Variants in IFT122 observed in about 807,000 individuals in gnomAD.
IFT122 encodes intraflagellar transport 122.
In IFT122, 118 loss-of-function variants were observed where a neutral mutation model predicts 161.6. That is an observed-to-expected ratio of 0.73 (90% CI 0.63 to 0.85). The LOEUF (loss-of-function observed/expected upper bound fraction) is 0.85. IFT122 is among the 40% of genes least tolerant of loss of function. The pLI is 0.00. For missense variants in IFT122, 1,381 were observed against 1,579.6 expected (o/e 0.87, Z 2.13); for synonymous variants, 550 against 602.4 (o/e 0.91, Z 1.27).
chr3:129,481,383 T>G, intron 13 of IFT122, 147 bp from the exon 14 acceptor site: 52 of 679,676 alleles, frequency 7.7e-5, no homozygotes, highest in East Asian at 3.1e-4. Context: ...CCCTCTTTCT[T>G]TTGATGAGTC....
chr3:129,459,952 A>G (rs1478104352), intron 4 of IFT122, among the ~76,000 whole-genome samples: 1 of 151,568 alleles, frequency 6.6e-6, no homozygotes, highest in Non-Finnish European at 1.5e-5. Context: ...TGGTAGAGAC[A>G]GGGTTTCACT....
intron 1 of IFT122, among the ~76,000 whole-genome samples, chr3:129,447,537 CAG>C (rs760451564): frequency 1.8e-4 from 27 of 152,258 alleles, no homozygotes; most frequent in East Asian, 9.7e-4. Flanking sequence ...CCCTGCAAAA[CAG>C]AGTCTTGCTG....
chr3:129,466,366 G>A (rs547668490), intron 7 of IFT122, among the ~76,000 whole-genome samples: 19 of 152,144 alleles, frequency 1.2e-4, no homozygotes, highest in African/African-American at 4.3e-4. Context: ...TGTTTGATTT[G>A]TGGCTGCAGA....
intron 2 of IFT122, among the ~76,000 whole-genome samples, chr3:129,451,352 G>T (rs1338874082): frequency 6.6e-6 from 1 of 151,958 alleles, no homozygotes; most frequent in Admixed American, 6.6e-5. Flanking sequence ...TGAACTCCTG[G>T]TTTCAAGCAA....
intron 12 of IFT122, among the ~76,000 whole-genome samples, chr3:129,478,539 TG>T (rs2078243818): frequency 6.6e-6 from 1 of 152,192 alleles, no homozygotes; most frequent in African/African-American, 2.4e-5. Flanking sequence ...ACTGCAGCTT[TG>T]ACCTCCCAAG....
At chr3:129,516,456 A>G (rs1448661024) in intron 26 of IFT122, among the ~76,000 whole-genome samples, 2 of 144,962 alleles carry the variant, frequency 1.4e-5, no homozygotes, top group Non-Finnish European at 3.0e-5. Context: ...ACACACACAG[A>G]GACCGCCCCT....
chr3:129,461,041 G>A (rs1488389247), intron 4 of IFT122, 187 bp from the exon 5 acceptor site: 5 of 1,062,232 alleles, frequency 4.7e-6, no homozygotes, highest in Non-Finnish European at 5.8e-6. Context: ...GAAAACAGTG[G>A]GTGAGGAGAA....
chr3:129,486,941 G>A (rs944399683), intron 15 of IFT122, among the ~76,000 whole-genome samples: 1 of 152,158 alleles, frequency 6.6e-6, no homozygotes, highest in African/African-American at 2.4e-5. Context: ...GTGCCAATGA[G>A]GAGAGATGGC....
chr3:129,449,981 TC>T, intron 2 of IFT122, 44 bp downstream of exon 2: 1 of 1,217,260 alleles, frequency 8.2e-7, no homozygotes, highest in Non-Finnish European at 1.2e-6. Context: ...TTCCCTAACC[TC>T]CCTCTTGTGA....
intron 5 of IFT122, 22 bp downstream of exon 5, chr3:129,461,326 C>G (rs775491043): frequency 2.3e-5 from 36 of 1,560,986 alleles, no homozygotes; most frequent in Non-Finnish European, 2.9e-5. Flanking sequence ...TTCCTGATGT[C>G]CTGTCCTGGA....
intron 15 of IFT122, chr3:129,487,924 A>G (rs953268583): frequency 5.0e-6 from 2 of 403,974 alleles, no homozygotes; most frequent in East Asian, 1.0e-4. Flanking sequence ...TGAAAGCCAA[A>G]TAGGTATTTT....
intron 18 of IFT122, 29 bp from the exon 19 acceptor site, chr3:129,499,873 G>C (rs1352991298): frequency 6.2e-7 from 1 of 1,613,416 alleles, no homozygotes; most frequent in Admixed American, 1.7e-5. Flanking sequence ...TTCTGATCCA[G>C]AGTGTTTTTG....
In IFT122 at chr3:129,516,002, GCA is replaced by G. The variant is rs548548537; in HGVS notation, c.3265+410_3265+411del. Among the ~76,000 whole-genome samples, 585 of 149,168 alleles carry G rather than the reference GCA, an allele frequency of 3.9e-3. 2 individuals carry two copies. Among genetic ancestry groups the G allele is most frequent in the African/African-American group, 0.013 (530 of 40,464 alleles). On this transcript the variant is annotated intron_variant, in intron 26 of 29. Transcript: ENST00000348417. ...GCCACACACACACACAGACACACAC[GCA>G]CACACAGACTGCCCCTGCACACACA...
chr3:129,476,067 T>C, intron 9 of IFT122: 1 of 535,532 alleles, frequency 1.9e-6, no homozygotes. Flanking sequence ...CCTGGAGCAC[T>C]TGGGTGGGAC....
intron 9 of IFT122, among the ~76,000 whole-genome samples, chr3:129,472,053 T>C (rs2077418103): frequency 6.6e-6 from 1 of 152,240 alleles, no homozygotes; most frequent in Admixed American, 6.5e-5. Flanking sequence ...TCCACCCTGC[T>C]GAAACCCAGG....
chr3:129,468,462 A>C (rs1044983592), intron 8 of IFT122, among the ~76,000 whole-genome samples: 3 of 151,972 alleles, frequency 2.0e-5, no homozygotes, highest in African/African-American at 7.3e-5. Flanking sequence ...CTTGTGCCTC[A>C]GCCTCTGGAA....
At chr3:129,497,447 C>T (rs905406753) in intron 18 of IFT122, among the ~76,000 whole-genome samples, 6 of 152,108 alleles carry the variant, frequency 3.9e-5, no homozygotes, top group Non-Finnish European at 5.9e-5. Context: ...TATAGGAAAG[C>T]GCATTAGAAA....
chr3:129,449,739 A>T, intron 1 of IFT122, 132 bp from the exon 2 acceptor site: 1 of 731,788 alleles, frequency 1.4e-6, no homozygotes, highest in South Asian at 1.4e-5. Flanking sequence ...AACAAATGCA[A>T]TTCGTAGTTA....
At chr3:129,495,710 T>C in intron 18 of IFT122, 103 bp downstream of exon 18, 1 of 1,311,162 alleles carries the variant, frequency 7.6e-7, no homozygotes, top group Non-Finnish European at 1.1e-6. Context: ...GGACAAAAAC[T>C]AGCAATGGTC....
Sources: allele counts gnomAD v4.1 joint callset (sites outside exome capture counted in the v4.1 genomes callset), GRCh38; gene constraint gnomAD v4.1.1; transcripts MANE v1.5; gene names NCBI Gene and HGNC (gene_info 2026-07-23, HGNC 2026-07-21).